Variants in TCF4 observed in about 807,000 individuals in gnomAD.
TCF4 encodes the protein transcription factor 4.
TCF4 carries 3 observed loss-of-function variants against 82.1 expected under a neutral mutation model. The ratio of observed to expected loss-of-function variants is 0.04; its 90% CI spans 0.02 to 0.09. TCF4 has a LOEUF of 0.09. Among genes scored for constraint, TCF4 ranks in the 10% least tolerant of loss-of-function variants. TCF4 has a pLI of 1.00. For missense variants in TCF4, 518 were observed against 852.7 expected, an observed-to-expected ratio of 0.61 and a Z score of 4.89; for synonymous variants, 276 against 309.6, an observed-to-expected ratio of 0.89 and a Z score of 1.14.
At chr18:55,301,087 A>G (rs2068122008) in intron 8 of TCF4, among the ~76,000 whole-genome samples, 1 of 152,072 alleles carries the variant, frequency 6.6e-6, no homozygotes, top group South Asian at 2.1e-4. Context: ...CCCTCCCACC[A>G]GTGAGATAGT....
chr18:55,468,963 A>C (rs900420389), intron 3 of TCF4, among the ~76,000 whole-genome samples: 2 of 148,290 alleles, frequency 1.3e-5, no homozygotes, highest in African/African-American at 4.9e-5. Flanking sequence ...GCAAAAAGAA[A>C]GGAAGAAAGC....
At chr18:55,510,660 C>A in intron 3 of TCF4, 5 of 1,492,812 alleles carry the variant, frequency 3.3e-6, no homozygotes, top group Non-Finnish European at 4.4e-6. Flanking sequence ...AATACTACTT[C>A]GTAAACTTTT....
intron 4 of TCF4, among the ~76,000 whole-genome samples, chr18:55,462,996 A>G (rs1603484579): frequency 6.6e-6 from 1 of 152,120 alleles, no homozygotes; most frequent in African/African-American, 2.4e-5. Flanking sequence ...CAGCTTGATT[A>G]CCTTCCCTGC....
At chr18:55,533,061 T>C (rs1044438705) in intron 3 of TCF4, among the ~76,000 whole-genome samples, 1 of 152,162 alleles carries the variant, frequency 6.6e-6, no homozygotes, top group African/African-American at 2.4e-5. Flanking sequence ...TTCTATCAAG[T>C]GGCACAATGG....
intron 16 of TCF4, among the ~76,000 whole-genome samples, chr18:55,234,183 A>C (rs2048703256): frequency 6.6e-6 from 1 of 152,130 alleles, no homozygotes; most frequent in Admixed American, 6.5e-5. Flanking sequence ...CAACAAAAAC[A>C]ATTTCCTTCC....
chr18:55,408,843 A>G (rs1051611066), intron 5 of TCF4, among the ~76,000 whole-genome samples: 6 of 152,174 alleles, frequency 3.9e-5, no homozygotes, highest in African/African-American at 1.4e-4. Flanking sequence ...AAGTATAAAT[A>G]AACTAGAGGC....
At chr18:55,316,878 T>A (rs893709739) in intron 8 of TCF4, among the ~76,000 whole-genome samples, 1 of 152,054 alleles carries the variant, frequency 6.6e-6, no homozygotes, top group Non-Finnish European at 1.5e-5. Flanking sequence ...ACACTATATT[T>A]AAAATGCTTA....
At chr18:55,265,812 A>G (rs1039833510) in intron 11 of TCF4, 1 of 152,220 alleles carries the variant, frequency 6.6e-6, no homozygotes. Context: ...TTCATGAACC[A>G]GATAGATATT....
chr18:55,619,575 C>T (rs996512972), intron 2 of TCF4, among the ~76,000 whole-genome samples: 12 of 152,288 alleles, frequency 7.9e-5, no homozygotes, highest in Non-Finnish European at 1.6e-4. Context: ...AAAATATATA[C>T]ATATCCCTTC....
At chr18:55,363,528 G>A (rs537279588) in intron 6 of TCF4, among the ~76,000 whole-genome samples, 114 of 152,288 alleles carry the variant, frequency 7.5e-4, no homozygotes, top group African/African-American at 2.7e-3. Context: ...ACCCAGCTGG[G>A]CGTAGTAGCT....
rs1174891133 is a variant in TCF4 at position 55,461,646 on chromosome 18, T to C, written c.208-531A>G. ...GTTGTAAGAGAACTAGATTGTCACA[T>C]AAGTAATTAACACATAAGAAAGTTA... On this transcript the variant is annotated intron_variant, in intron 4 of 19. Coordinates refer to ENST00000354452, the MANE Select transcript of TCF4 (RefSeq NM_001083962.2). Among the ~76,000 whole-genome samples the C allele has an allele frequency of 2.0e-5, 3 of 152,258 alleles. No individual in the cohort carries two copies. In the South Asian group the frequency reaches 6.2e-4, roughly 32 times the overall value.
At position 55,224,081 on chromosome 18, in the gene TCF4, A is replaced by G. The variant is rs1373784373; in HGVS notation, c.*3954T>C. 6.6e-6 allele frequency: 1 copy of G among 151,272 alleles called. No homozygotes were observed. Among genetic ancestry groups the G allele is most frequent in the Admixed American group, 6.6e-5 (1 of 15,192 alleles). 9.4% of individuals were successfully genotyped at this position (151,272 alleles called of 1,614,324 possible). A position where few individuals can be genotyped will look rare whatever the true frequency, so the allele number is the denominator to read the frequency against. On this transcript the variant is annotated 3_prime_UTR_variant, in exon 20 of 20. Coordinates refer to ENST00000354452, the MANE Select transcript of TCF4 (RefSeq NM_001083962.2). ...TTTTTTTTTCCTACTAGGGTGTACT[A>G]CAGTCTATTTTATAGCAAAAGAGCA...
intron 15 of TCF4, among the ~76,000 whole-genome samples, chr18:55,245,459 G>T (rs1027999117): frequency 3.3e-5 from 5 of 152,072 alleles, no homozygotes; most frequent in African/African-American, 1.2e-4. Context: ...ACTTAATTTG[G>T]ATGTAAAAAA....
chr18:55,620,401 T>C (rs1452628653), intron 2 of TCF4, among the ~76,000 whole-genome samples: 1 of 152,234 alleles, frequency 6.6e-6, no homozygotes, highest in African/African-American at 2.4e-5. Context: ...ATGAGGTTTC[T>C]TTAGACTGGC....
intron 16 of TCF4, chr18:55,234,340 G>A (rs2048748407): frequency 3.0e-6 from 2 of 664,728 alleles, no homozygotes; most frequent in East Asian, 5.5e-5. Context: ...CAGGATTTCA[G>A]AGGATGTTTG....
intron 3 of TCF4, among the ~76,000 whole-genome samples, chr18:55,506,312 C>T (rs1443879190): frequency 2.6e-5 from 4 of 152,170 alleles, no homozygotes; most frequent in Non-Finnish European, 4.4e-5. Flanking sequence ...GAGGATTAGG[C>T]TACTTACTAA....
At chr18:55,501,784 C>CACCGCA (rs1217571711) in intron 3 of TCF4, among the ~76,000 whole-genome samples, 2 of 151,930 alleles carry the variant, frequency 1.3e-5, no homozygotes, top group Non-Finnish European at 2.9e-5. Context: ...GCTTTGATTC[C>CACCGCA]ACCGCATCCC....
chr18:55,422,857 G>A (rs1257287756), intron 5 of TCF4, among the ~76,000 whole-genome samples: 4 of 152,050 alleles, frequency 2.6e-5, no homozygotes, highest in Non-Finnish European at 4.4e-5. Flanking sequence ...TACATTTTAT[G>A]ATGATGAATG....
chr18:55,543,193 G>C (rs751084527), intron 3 of TCF4, among the ~76,000 whole-genome samples: 5 of 152,060 alleles, frequency 3.3e-5, no homozygotes, highest in Non-Finnish European at 7.4e-5. Context: ...ATGAAATAAA[G>C]AGAAAGAACC....
Sources: allele counts gnomAD v4.1 joint callset (sites outside exome capture counted in the v4.1 genomes callset), GRCh38; gene constraint gnomAD v4.1.1; transcripts MANE v1.5; gene names NCBI Gene and HGNC (gene_info 2026-07-23, HGNC 2026-07-21).